The following TENM4 variants were observed in gnomAD, a reference collection of about 807,000 sequenced individuals.
TENM4 encodes the protein teneurin transmembrane protein 4, also known as teneurin-4.
A neutral mutation model predicts 243.3 loss-of-function variants in TENM4; 82 were observed. That is an observed-to-expected ratio of 0.34 (90% CI 0.28 to 0.40). The LOEUF (loss-of-function observed/expected upper bound fraction) is 0.40. TENM4 is among the 10% of genes least tolerant of loss of function. TENM4 has a pLI of 1.00. For synonymous variants in TENM4, 1,412 were observed against 1,456.3 expected, an observed-to-expected ratio of 0.97 and a Z score of 0.69; for missense variants, 3,138 against 3,673.3, an observed-to-expected ratio of 0.85 and a Z score of 3.77.
chr11:79,325,643 A>G (rs1856962079), intron 1 of TENM4, among the ~76,000 whole-genome samples: 2 of 152,250 alleles, frequency 1.3e-5, no homozygotes, highest in African/African-American at 4.8e-5. Context: ...GCATTTAGGC[A>G]GTGTTTATTA....
At chr11:79,082,595 G>GCACACA in intron 4 of TENM4, among the ~76,000 whole-genome samples, 1 of 151,834 alleles carries the variant, frequency 6.6e-6, no homozygotes, top group East Asian at 1.9e-4. Flanking sequence ...ACCCATGTGT[G>GCACACA]CACACACACA....
At chr11:79,337,233 T>C (rs1405694376) in intron 1 of TENM4, among the ~76,000 whole-genome samples, 2 of 152,228 alleles carry the variant, frequency 1.3e-5, no homozygotes, top group Admixed American at 6.5e-5. Flanking sequence ...AGAGGCTTTT[T>C]AGAAAACCCC....
At chr11:79,054,596 C>T (rs371360426) in intron 6 of TENM4, among the ~76,000 whole-genome samples, 7 of 151,728 alleles carry the variant, frequency 4.6e-5, no homozygotes, top group Admixed American at 1.3e-4. Context: ...TCACCCAGGC[C>T]CCTACCTCAG....
In TENM4 at chr11:78,656,823, C is replaced by G. The variant is rs762971911; in HGVS notation, c.*1235G>C. The G allele has an allele frequency of 1.9e-4, 76 of 392,852 alleles. No homozygotes were observed. Among genetic ancestry groups the G allele is most frequent in the Non-Finnish European group, 3.0e-4 (68 of 222,980 alleles). 24.3% of individuals were successfully genotyped at this position (392,852 alleles called of 1,614,324 possible). ...GAATTTCCTGGAAGCCCAGCCTGCC[C>G]CAGTCCAGCTCTGCGATCAGCTGGT... On this transcript the variant is annotated 3_prime_UTR_variant, in exon 34 of 34. Transcript: ENST00000278550.
intron 4 of TENM4, among the ~76,000 whole-genome samples, chr11:79,132,929 C>T (rs922841828): frequency 6.6e-6 from 1 of 152,034 alleles, no homozygotes; most frequent in African/African-American, 2.4e-5. Flanking sequence ...TAAGGTCATA[C>T]CTCAAGGAAC....
intron 2 of TENM4, among the ~76,000 whole-genome samples, chr11:79,295,896 A>AACACAC (rs199711050): frequency 0.41 from 54,117 of 130,528 alleles, 11,843 homozygotes; most frequent in Middle Eastern, 0.54. Context: ...CCAGGGATTA[A>AACACAC]ACACACACAC....
At chr11:78,899,784 C>T (rs1037219963) in intron 7 of TENM4, among the ~76,000 whole-genome samples, 1 of 152,156 alleles carries the variant, frequency 6.6e-6, no homozygotes, top group Non-Finnish European at 1.5e-5. Context: ...GTGATCTCTG[C>T]ACATACTGGC....
At chr11:79,025,426 GT>G (rs1233124743) in intron 6 of TENM4, among the ~76,000 whole-genome samples, 1 of 152,170 alleles carries the variant, frequency 6.6e-6, no homozygotes, top group Non-Finnish European at 1.5e-5. Context: ...GCTCCGTGAA[GT>G]TTTGTAAACA....
chr11:78,984,756 C>T (rs1225782210), intron 6 of TENM4, among the ~76,000 whole-genome samples: 3 of 152,122 alleles, frequency 2.0e-5, no homozygotes, highest in South Asian at 4.1e-4. Flanking sequence ...TAGAGCTGTG[C>T]TGTCCAATAT....
At chr11:79,377,020 G>A (rs562517532) in intron 1 of TENM4, among the ~76,000 whole-genome samples, 1 of 152,298 alleles carries the variant, frequency 6.6e-6, no homozygotes, top group Non-Finnish European at 1.5e-5. Flanking sequence ...TCGCTGGTTG[G>A]AGACTAAATG....
In TENM4 at chr11:78,712,656, G is replaced by A. The variant is rs770730818; in HGVS notation, c.3880C>T (p.Leu1294Phe). ...ACCCGCCGGCTGTTGCTGTCAGAAA[G>A]GAAGACGGCCCCACTCATGGGGTCT... is the stretch of plus-strand genomic sequence containing the variant. ...ATDPMSGAVF[L>F]SDSNSRRVFK... Residue 1294 changes from leucine (L) to phenylalanine (F), a missense_variant, in exon 26 of 34, where the codon CTT becomes TTT. By Grantham distance (22) the Leu-to-Phe change is conservative. Around this residue, in one of 2 missense-constraint regions of TENM4, gnomAD observed 2,467 missense variants for 3,059.1 expected, o/e 0.81. Coordinates refer to ENST00000278550, the MANE Select transcript of TENM4 (RefSeq NM_001098816.3). 2 of 1,614,048 alleles carry A rather than the reference G, an allele frequency of 1.2e-6. No individual in the cohort carries two copies. Among genetic ancestry groups the A allele is most frequent in the Non-Finnish European group, 1.7e-6 (2 of 1,179,912 alleles).
chr11:78,947,613 G>A (rs962626042), intron 6 of TENM4, among the ~76,000 whole-genome samples: 3 of 152,250 alleles, frequency 2.0e-5, no homozygotes, highest in African/African-American at 4.8e-5. Context: ...GACAGAGAGA[G>A]TGCGGGGGCA....
At chr11:79,229,963 A>G (rs1473058651) in intron 2 of TENM4, among the ~76,000 whole-genome samples, 1 of 150,642 alleles carries the variant, frequency 6.6e-6, no homozygotes, top group East Asian at 2.0e-4. Flanking sequence ...AGTTGCTGCA[A>G]CTACAGCTGC....
intron 6 of TENM4, among the ~76,000 whole-genome samples, chr11:79,029,536 A>C (rs1329115067): frequency 1.3e-5 from 2 of 152,148 alleles, no homozygotes; most frequent in Non-Finnish European, 2.9e-5. Flanking sequence ...CAAATACAGC[A>C]ATCTATTTCA....
intron 6 of TENM4, among the ~76,000 whole-genome samples, chr11:78,977,505 C>A (rs1163801487): frequency 6.6e-6 from 1 of 152,228 alleles, no homozygotes; most frequent in Non-Finnish European, 1.5e-5. Flanking sequence ...AACTGCAAAT[C>A]CAGGTCTGAC....
intron 18 of TENM4, among the ~76,000 whole-genome samples, chr11:78,762,273 T>G (rs1856447133): frequency 6.6e-6 from 1 of 152,170 alleles, no homozygotes; most frequent in African/African-American, 2.4e-5. Flanking sequence ...TTACTTAAAT[T>G]AGCTCCTGCC....
chr11:78,663,105 T>G (rs1343521963), intron 32 of TENM4, among the ~76,000 whole-genome samples: 1 of 152,098 alleles, frequency 6.6e-6, no homozygotes, highest in Non-Finnish European at 1.5e-5. Flanking sequence ...GGAGGTGAAC[T>G]GGGGCCAGAG....
chr11:79,415,358 T>C (rs997850504), intron 1 of TENM4, among the ~76,000 whole-genome samples: 10 of 152,202 alleles, frequency 6.6e-5, no homozygotes, highest in African/African-American at 2.4e-4. Context: ...TGAATTTTCA[T>C]TCGTTTACAG....
In TENM4 at chr11:79,064,788, G is replaced by T. The variant is rs1370346480; in HGVS notation, c.443C>A (p.Ala148Asp). The T allele has an allele frequency of 2.6e-6, 4 of 1,551,640 alleles. No homozygotes were observed. The highest frequency in any genetic ancestry group is 3.9e-5 in the Admixed American group (2 of 51,004). ...SGRSSCLSSR[A>D]NSNLTLTDTE... ...GTCGGTGAGTGTGAGATTGGAATTG[G>T]CCCGGCTGGACAGGCAGGAGCTGCG... The change falls in exon 6 of 34, where the codon GCC becomes GAC. Residue 148 changes from alanine to aspartate, a missense_variant. Physicochemically the swap from Ala to Asp is moderately radical, Grantham distance 126. Transcript: ENST00000278550.
Sources: gnomAD v4.1 joint callset for allele counts (sites outside exome capture counted in the v4.1 genomes callset) on GRCh38, gnomAD v4.1.1 for gene constraint, gnomAD v4.1.1 regional missense constraint, MANE v1.5 for transcripts, NCBI Gene and HGNC (gene_info 2026-07-23, HGNC 2026-07-21) for gene names.